CDH18: variants seen among roughly 807,000 people sequenced by gnomAD.
The protein encoded by CDH18 is cadherin-18.
CDH18 carries 31 observed loss-of-function variants against 67.9 expected under a neutral mutation model. The ratio of observed to expected loss-of-function variants is 0.46; its 90% CI spans 0.34 to 0.62. The LOEUF (loss-of-function observed/expected upper bound fraction) is 0.62, where lower values mean the gene tolerates loss of function less well. Ranked by LOEUF, CDH18 falls within the 20% of genes least tolerant of loss-of-function variation. The pLI is 0.01. For synonymous variants in CDH18, 362 were observed against 347.2 expected (o/e 1.04, Z -0.48); for missense variants, 890 against 975.5 (o/e 0.91, Z 1.17).
chr5:19,665,173 G>GTT (rs1757738616), intron 5 of CDH18, among the ~76,000 whole-genome samples: 2 of 151,182 alleles, frequency 1.3e-5, no homozygotes, highest in Non-Finnish European at 3.0e-5. Context: ...ACATTATGAA[G>GTT]TGTGAAATAC....
intron 5 of CDH18, 47 bp downstream of exon 5, chr5:19,721,300 T>C: frequency 6.6e-7 from 1 of 1,504,516 alleles, no homozygotes; most frequent in Non-Finnish European, 9.0e-7. Context: ...GCTTTGCAAC[T>C]TACTGTAGCA....
chr5:20,368,325 G>A (rs982978888), intron 1 of CDH18, among the ~76,000 whole-genome samples: 1 of 152,064 alleles, frequency 6.6e-6, no homozygotes, highest in African/African-American at 2.4e-5. Context: ...TCACCTTAAT[G>A]TCTTCTAAAG....
chr5:19,885,874 T>TA (rs1273658810), intron 2 of CDH18, among the ~76,000 whole-genome samples: 1 of 152,206 alleles, frequency 6.6e-6, no homozygotes, highest in Non-Finnish European at 1.5e-5. Context: ...TACAATTTCT[T>TA]AGTTTTAATT....
chr5:20,148,299 G>A (rs995166894), intron 2 of CDH18, among the ~76,000 whole-genome samples: 8 of 151,844 alleles, frequency 5.3e-5, no homozygotes, highest in South Asian at 4.1e-4. Flanking sequence ...GGGTTTCACT[G>A]TGTTAGCCAG....
intron 9 of CDH18, among the ~76,000 whole-genome samples, chr5:19,528,375 C>T (rs2126959064): frequency 6.6e-6 from 1 of 151,442 alleles, no homozygotes; most frequent in African/African-American, 2.4e-5. Context: ...TAAGTTTATT[C>T]TTTCTTTTTC....
At chr5:20,525,464 G>T (rs1159974884) in intron 1 of CDH18, among the ~76,000 whole-genome samples, 3 of 152,096 alleles carry the variant, frequency 2.0e-5, no homozygotes, top group African/African-American at 7.2e-5. Flanking sequence ...ATGGCTCCAT[G>T]TTCCAGGACA....
chr5:19,692,524 ATAAT>A (rs1295900759), intron 5 of CDH18, among the ~76,000 whole-genome samples: 1 of 152,078 alleles, frequency 6.6e-6, no homozygotes, highest in Non-Finnish European at 1.5e-5. Flanking sequence ...AGAAACTCAA[ATAAT>A]TCAGCGGAAA....
At chr5:19,802,922 T>C (rs1287040670) in intron 3 of CDH18, among the ~76,000 whole-genome samples, 1 of 152,258 alleles carries the variant, frequency 6.6e-6, no homozygotes, top group East Asian at 1.9e-4. Context: ...CAATTGTTCC[T>C]AAGGTGTCAG....
intron 2 of CDH18, among the ~76,000 whole-genome samples, chr5:20,036,563 C>G (rs142790267): frequency 6.6e-6 from 1 of 151,974 alleles, no homozygotes; most frequent in African/African-American, 2.4e-5. Context: ...ACACAAGCAA[C>G]GTTATGCTTA....
At chr5:20,136,687 T>C (rs928884353) in intron 2 of CDH18, among the ~76,000 whole-genome samples, 1 of 152,196 alleles carries the variant, frequency 6.6e-6, no homozygotes, top group Non-Finnish European at 1.5e-5. Flanking sequence ...CTAGCATTGA[T>C]GATTTTTACA....
chr5:19,953,209 C>G (rs1038944472), intron 2 of CDH18, among the ~76,000 whole-genome samples: 3 of 151,844 alleles, frequency 2.0e-5, no homozygotes, highest in Non-Finnish European at 4.4e-5. Context: ...AACATATTCA[C>G]AAATATTTAT....
chr5:19,781,582 T>C (rs1775119785), intron 3 of CDH18, among the ~76,000 whole-genome samples: 1 of 152,154 alleles, frequency 6.6e-6, no homozygotes, highest in South Asian at 2.1e-4. Context: ...TTTTTTATTA[T>C]ATAAAACTAT....
At position 19,793,055 on chromosome 5, in the gene CDH18, A is replaced by AT. The variant is rs1776521804; in HGVS notation, c.228+45703dup. ...GACCCTGGGTAATCAATGAATGATA[A>AT]TGCCTGTTCTTCTAGAGCTAATACT... On this transcript the variant is annotated intron_variant, in intron 3 of 12. Coordinates refer to ENST00000382275, the MANE Select transcript of CDH18 (RefSeq NM_004934.5). Among the ~76,000 whole-genome samples, 4 of 152,098 alleles carry AT rather than the reference A, an allele frequency of 2.6e-5. No individual in the cohort carries two copies. The South Asian group carries it at 8.3e-4, about 32-fold the overall frequency.
At chr5:19,593,709 T>TCCTCCTTCTTCTTCTTCC (rs70950076) in intron 6 of CDH18, among the ~76,000 whole-genome samples, 5 of 111,220 alleles carry the variant, frequency 4.5e-5, no homozygotes, top group African/African-American at 1.8e-4. Context: ...CTCCTCCTCC[T>TCCTCCTTCTTCTTCTTCC]TCTTCTTCTT....
chr5:20,054,915 TGAG>T (rs1741769780), intron 2 of CDH18, among the ~76,000 whole-genome samples: 1 of 152,148 alleles, frequency 6.6e-6, no homozygotes, highest in Non-Finnish European at 1.5e-5. Flanking sequence ...TATCTAAGAC[TGAG>T]GTTAGAGGAT....
At chr5:20,409,975 G>C (rs531908824) in intron 1 of CDH18, among the ~76,000 whole-genome samples, 1 of 151,770 alleles carries the variant, frequency 6.6e-6, no homozygotes, top group East Asian at 1.9e-4. Context: ...TTTATAATAA[G>C]AAGATTAAGT....
Position 19,511,374 on chromosome 5 carries a change from A to G in CDH18, c.1513-8265T>C, listed in dbSNP as rs76021485. ...GAGAGTGGGACACTGATACAAAGAT[A>G]CCAAAAAATGTGAAATTGACTTTGG... On this transcript the variant is annotated intron_variant, in intron 10 of 12. Coordinates refer to ENST00000382275, the MANE Select transcript of CDH18 (RefSeq NM_004934.5). 5.8e-3 allele frequency among the ~76,000 whole-genome samples: 880 copies of G among 152,266 alleles called. 7 individuals are homozygous for G. The highest frequency in any genetic ancestry group is 0.02 in the African/African-American group (821 of 41,572).
intron 7 of CDH18, among the ~76,000 whole-genome samples, chr5:19,572,151 T>A (rs1385605525): frequency 6.6e-6 from 1 of 152,172 alleles, no homozygotes; most frequent in African/African-American, 2.4e-5. Flanking sequence ...AAGTGCTTTT[T>A]CAGATAAGAA....
At chr5:19,628,184 C>T (rs537270294) in intron 5 of CDH18, among the ~76,000 whole-genome samples, 8 of 152,208 alleles carry the variant, frequency 5.3e-5, no homozygotes, top group Admixed American at 2.0e-4. Context: ...TTTCCTCTTT[C>T]GCTTGATTCT....
Sources: allele counts gnomAD v4.1 joint callset (sites outside exome capture counted in the v4.1 genomes callset), GRCh38; gene constraint gnomAD v4.1.1; transcripts MANE v1.5; gene names NCBI Gene and HGNC (gene_info 2026-07-23, HGNC 2026-07-21).